The following NFATC1 variants were observed in gnomAD, a reference collection of about 807,000 sequenced individuals.
The protein encoded by NFATC1 is nuclear factor of activated T-cells, cytoplasmic 1.
In NFATC1, 22 loss-of-function variants were observed where a neutral mutation model predicts 76.0. The ratio of observed to expected loss-of-function variants is 0.29; its 90% CI spans 0.21 to 0.41. The LOEUF is 0.41. Among genes scored for constraint, NFATC1 ranks in the 10% least tolerant of loss-of-function variants. The pLI, the probability that NFATC1 is intolerant of heterozygous loss-of-function variation, is 1.00. For missense variants in NFATC1, 1,357 were observed against 1,337.7 expected, an observed-to-expected ratio of 1.01 and a Z score of -0.23; for synonymous variants, 704 against 613.1, an observed-to-expected ratio of 1.15 and a Z score of -2.19.
intron 8 of NFATC1, among the ~76,000 whole-genome samples, chr18:79,484,852 G>C (rs1390152580): frequency 1.3e-5 from 2 of 152,196 alleles, no homozygotes; most frequent in Admixed American, 6.5e-5. Flanking sequence ...CTGTGCGGGG[G>C]GGGAAGAGGG....
At chr18:79,461,261 G>T (rs2088063221) in intron 6 of NFATC1, 50 bp from the exon 7 acceptor site, 2 of 1,600,688 alleles carry the variant, frequency 1.2e-6, no homozygotes, top group Non-Finnish European at 1.7e-6. Context: ...TCTGGGGAGG[G>T]GGCTCCCCAC....
At chr18:79,402,762 C>T (rs1568912958) in intron 1 of NFATC1, among the ~76,000 whole-genome samples, 1 of 152,192 alleles carries the variant, frequency 6.6e-6, no homozygotes, top group East Asian at 1.9e-4. Context: ...GCTGTTTTCT[C>T]CTTTCTTTTT....
At chr18:79,397,492 AG>A (rs758415689) in intron 1 of NFATC1, among the ~76,000 whole-genome samples, 1 of 152,118 alleles carries the variant, frequency 6.6e-6, no homozygotes, top group Non-Finnish European at 1.5e-5. Context: ...AGCTCCACGG[AG>A]GGGGGTCCGT....
chr18:79,471,516 G>A (rs768338558), intron 8 of NFATC1, among the ~76,000 whole-genome samples: 18 of 152,136 alleles, frequency 1.2e-4, no homozygotes, highest in Non-Finnish European at 2.2e-4. Context: ...CGTTTTAGTC[G>A]GTTACCTGGA....
At chr18:79,413,309 C>T (rs1329931958) in intron 2 of NFATC1, among the ~76,000 whole-genome samples, 1 of 152,200 alleles carries the variant, frequency 6.6e-6, no homozygotes, top group Non-Finnish European at 1.5e-5. Context: ...GACAAGGTCC[C>T]GCAGACGGGT....
At chr18:79,473,347 C>T (rs937177439) in intron 8 of NFATC1, among the ~76,000 whole-genome samples, 3 of 152,280 alleles carry the variant, frequency 2.0e-5, no homozygotes, top group African/African-American at 7.2e-5. Flanking sequence ...GCTCTTCAGA[C>T]GGCAAGTGAG....
chr18:79,470,355 G>C (rs9989553), intron 8 of NFATC1: 46,616 of 152,156 alleles, frequency 0.31, 7,318 homozygotes, highest in African/African-American at 0.39. Flanking sequence ...GTGCCGATGA[G>C]CTTCGGGTCT....
intron 9 of NFATC1, among the ~76,000 whole-genome samples, chr18:79,512,005 G>A (rs1600970420): frequency 1.3e-5 from 2 of 152,268 alleles, no homozygotes; most frequent in Admixed American, 1.3e-4. Context: ...ATCCCAGGAT[G>A]CGCAGGTGGC....
chr18:79,520,964 T>TA (rs2090532843), intron 9 of NFATC1, among the ~76,000 whole-genome samples: 2 of 78,064 alleles, frequency 2.6e-5, no homozygotes, highest in African/African-American at 5.3e-5. Flanking sequence ...TGTCTGTGTG[T>TA]GGGGGGGCAT....
chr18:79,526,618 G>C (rs1410688845), intron 9 of NFATC1, among the ~76,000 whole-genome samples: 1 of 152,250 alleles, frequency 6.6e-6, no homozygotes, highest in African/African-American at 2.4e-5. Context: ...CTGGAGCTCA[G>C]TGCCAGTGTG....
intron 7 of NFATC1, among the ~76,000 whole-genome samples, chr18:79,461,775 G>A (rs774987243): frequency 6.6e-6 from 1 of 152,180 alleles, no homozygotes; most frequent in Non-Finnish European, 1.5e-5. Context: ...GAGTTCCCGG[G>A]GGGTGGTCAG....
At position 79,529,082 on chromosome 18, in the gene NFATC1, C is replaced by T. The variant is rs1181556096; in HGVS notation, c.*1505C>T. Reference sequence around the variant, plus strand: ...CCTGTACCGTGCGCTCCGGCACAATCGCGTCTCTTGTGTCTCACTCACGGA... The same window carrying T: ...CCTGTACCGTGCGCTCCGGCACAATTGCGTCTCTTGTGTCTCACTCACGGA... On this transcript the variant is annotated 3_prime_UTR_variant, in exon 10 of 10. Transcript: ENST00000427363. The T allele has an allele frequency of 1.3e-5, 2 of 152,376 alleles. No homozygotes were observed. The highest frequency in any genetic ancestry group is 2.9e-5 in the Non-Finnish European group (2 of 68,064). The allele number at this position is 152,376 out of a possible 1,614,324, so 9.4% of individuals were successfully genotyped here. A position where few individuals can be genotyped will look rare whatever the true frequency, so the allele number is the denominator to read the frequency against.
intron 9 of NFATC1, chr18:79,497,406 G>C (rs2089916926): frequency 6.6e-6 from 1 of 152,260 alleles, no homozygotes; most frequent in Non-Finnish European, 1.5e-5. Flanking sequence ...GAAAGCCGGT[G>C]ACAGCACAGA....
At chr18:79,408,396 A>G (rs1463195708) in intron 1 of NFATC1, among the ~76,000 whole-genome samples, 1 of 152,224 alleles carries the variant, frequency 6.6e-6, no homozygotes, top group African/African-American at 2.4e-5. Flanking sequence ...GTCTTTTCAA[A>G]TCAGAAATCC....
In NFATC1 at chr18:79,411,354, C is replaced by A; in HGVS notation, c.1079C>A (p.Pro360His). The change falls in exon 2 of 10, where the codon CCC becomes CAC. Residue 360 changes from proline (P) to histidine (H), a missense_variant. Pro to His is a moderately conservative substitution (Grantham distance 77). Coordinates refer to ENST00000427363, the MANE Select transcript of NFATC1 (RefSeq NM_001278669.2). ...CCCGTCGGGGAGGACCTGGGCAGCC[C>A]CCCGCCCCCGGCCGACTTCGCGCCC... ...VEPVGEDLGS[P>H]PPPADFAPED... The A allele has an allele frequency of 6.3e-7, 1 of 1,591,138 alleles. No individual in the cohort carries two copies. The highest frequency in any genetic ancestry group is 8.5e-7 in the Non-Finnish European group (1 of 1,171,158).
chr18:79,447,164 G>A (rs1397486534), intron 3 of NFATC1, among the ~76,000 whole-genome samples: 1 of 152,234 alleles, frequency 6.6e-6, no homozygotes, highest in Non-Finnish European at 1.5e-5. Flanking sequence ...GTGACCACAC[G>A]GCGGCTGAGG....
At chr18:79,436,530 G>T (rs568017665) in intron 3 of NFATC1, among the ~76,000 whole-genome samples, 1 of 152,052 alleles carries the variant, frequency 6.6e-6, no homozygotes, top group Admixed American at 6.5e-5. Context: ...CCGTCCTCCC[G>T]CACCCGGCGT....
chr18:79,401,825 A>G (rs888531041), intron 1 of NFATC1, among the ~76,000 whole-genome samples: 1 of 152,178 alleles, frequency 6.6e-6, no homozygotes, highest in Non-Finnish European at 1.5e-5. Context: ...CACAGCGTGA[A>G]TCACTGACTG....
At chr18:79,397,476 G>A (rs1476720586) in intron 1 of NFATC1, among the ~76,000 whole-genome samples, 1 of 152,204 alleles carries the variant, frequency 6.6e-6, no homozygotes. Context: ...TGAGCACAGG[G>A]CCGTGAGCTC....
Sources: allele counts gnomAD v4.1 joint callset (sites outside exome capture counted in the v4.1 genomes callset), GRCh38; gene constraint gnomAD v4.1.1; transcripts MANE v1.5; gene names NCBI Gene and HGNC (gene_info 2026-07-23, HGNC 2026-07-21).